Variants in TMCO5A observed in about 807,000 individuals in gnomAD.
The protein encoded by TMCO5A is transmembrane and coiled-coil domains 5A, also known as transmembrane and coiled-coil domain-containing protein 5A.
A neutral mutation model predicts 42.3 loss-of-function variants in TMCO5A; 34 were observed. The ratio of observed to expected loss-of-function variants is 0.80; its 90% CI spans 0.61 to 1.07. The LOEUF (loss-of-function observed/expected upper bound fraction) is 1.07. TMCO5A is among the 50% of genes least tolerant of loss of function. TMCO5A has a pLI of 0.00. For missense variants in TMCO5A, 357 were observed against 327.9 expected, an observed-to-expected ratio of 1.09 and a Z score of -0.69; for synonymous variants, 131 against 115.6, an observed-to-expected ratio of 1.13 and a Z score of -0.86.
intron 7 of TMCO5A, among the ~76,000 whole-genome samples, chr15:37,941,455 C>T (rs1349013597): frequency 6.6e-6 from 1 of 152,020 alleles, no homozygotes; most frequent in Non-Finnish European, 1.5e-5. Context: ...ATTCCTCTCC[C>T]AACTGCCCCC....
the TMCO5A span, among the ~76,000 whole-genome samples, chr15:37,988,971 G>A: frequency 1.8e-3 from 267 of 151,742 alleles, no homozygotes; most frequent in African/African-American, 6.1e-3. Flanking sequence ...TCAGGCCCAG[G>A]GTTTTCTTTA....
chr15:38,028,511 A>G, the TMCO5A span, among the ~76,000 whole-genome samples: 1 of 152,208 alleles, frequency 6.6e-6, no homozygotes, highest in Non-Finnish European at 1.5e-5. Flanking sequence ...GTTCCATTCA[A>G]TCATTCTCAG....
chr15:38,027,798 C>G, the TMCO5A span, among the ~76,000 whole-genome samples: 1 of 152,052 alleles, frequency 6.6e-6, no homozygotes, highest in East Asian at 1.9e-4. Context: ...GAGTTCTCAC[C>G]AGATCTGATG....
At chr15:38,033,569 T>C in the TMCO5A span, among the ~76,000 whole-genome samples, 1 of 151,726 alleles carries the variant, frequency 6.6e-6, no homozygotes, top group Non-Finnish European at 1.5e-5. Context: ...ATTTTTTTTT[T>C]GTCTGTTTTT....
the TMCO5A span, among the ~76,000 whole-genome samples, chr15:38,014,690 T>C: frequency 6.6e-6 from 1 of 151,814 alleles, no homozygotes; most frequent in African/African-American, 2.4e-5. Context: ...TTAATGTGTT[T>C]CCCTTTCTTT....
At chr15:38,027,680 C>A in the TMCO5A span, among the ~76,000 whole-genome samples, 1 of 152,084 alleles carries the variant, frequency 6.6e-6, no homozygotes, top group East Asian at 1.9e-4. Flanking sequence ...TCTCCCCACC[C>A]AAATCTCACC....
chr15:37,998,718 T>TTTTA, the TMCO5A span, among the ~76,000 whole-genome samples: 1 of 152,184 alleles, frequency 6.6e-6, no homozygotes, highest in Non-Finnish European at 1.5e-5. Context: ...AGGATTTTTT[T>TTTTA]TTTATTTCTG....
chr15:38,024,723 C>A, the TMCO5A span: 1 of 152,202 alleles, frequency 6.6e-6, no homozygotes. Flanking sequence ...CAGCCGAAGG[C>A]CTCACATAGA....
At chr15:37,947,885 T>G (rs1292096860) in intron 11 of TMCO5A, among the ~76,000 whole-genome samples, 189 bp downstream of exon 11, 1 of 152,132 alleles carries the variant, frequency 6.6e-6, no homozygotes, top group Non-Finnish European at 1.5e-5. Flanking sequence ...CTTACTTGTT[T>G]AAAGGTAATT....
At chr15:38,003,222 GTC>G in the TMCO5A span, among the ~76,000 whole-genome samples, 133,439 of 147,134 alleles carry the variant, frequency 0.91, 61,284 homozygotes, top group South Asian at 0.99. Flanking sequence ...CCCAAACAGA[GTC>G]TCTCTCTCTC....
the TMCO5A span, among the ~76,000 whole-genome samples, chr15:38,000,911 G>A: frequency 6.6e-6 from 1 of 151,946 alleles, no homozygotes; most frequent in Non-Finnish European, 1.5e-5. Flanking sequence ...ACATTCTGTG[G>A]CCTAACATAT....
At chr15:38,006,757 A>T in the TMCO5A span, among the ~76,000 whole-genome samples, 1 of 152,170 alleles carries the variant, frequency 6.6e-6, no homozygotes. Flanking sequence ...AATTCCATTC[A>T]TGTATTGGAA....
At chr15:38,037,966 T>C in the TMCO5A span, among the ~76,000 whole-genome samples, 1 of 148,702 alleles carries the variant, frequency 6.7e-6, no homozygotes, top group East Asian at 2.0e-4. Flanking sequence ...TGAGCCAAGA[T>C]CACGCCATCA....
chr15:37,983,060 G>A, the TMCO5A span, among the ~76,000 whole-genome samples: 6 of 151,880 alleles, frequency 4.0e-5, no homozygotes, highest in African/African-American at 1.5e-4. Context: ...TTTCTACCCA[G>A]TAAAACTAAA....
Position 37,951,215 on chromosome 15 carries a change from A to G in TMCO5A, c.848A>G (p.Glu283Gly). 2 of 1,613,730 alleles carry G rather than the reference A, an allele frequency of 1.2e-6. No individual in the cohort carries two copies. Among genetic ancestry groups the G allele is most frequent in the Non-Finnish European group, 8.5e-7 (1 of 1,179,802 alleles). ...FFFPSLTLET[E>G]DMLPH ...TTTCCATCTCTCACACTTGAGACAG[A>G]GGACATGTTACCCCACTGATTCCCT... The change falls in exon 12 of 12, where the codon GAG becomes GGG. Residue 283 changes from glutamate (E) to glycine (G), a missense_variant. Glu to Gly is a moderately conservative substitution (Grantham distance 98). Transcript: ENST00000319669.
At chr15:38,001,021 CTA>C in the TMCO5A span, among the ~76,000 whole-genome samples, 1 of 152,054 alleles carries the variant, frequency 6.6e-6, no homozygotes, top group African/African-American at 2.4e-5. Flanking sequence ...TGCACTTGGT[CTA>C]TAGTGCAAAT....
At chr15:37,940,806 C>A (rs768833076) in intron 6 of TMCO5A, among the ~76,000 whole-genome samples, 1 of 152,098 alleles carries the variant, frequency 6.6e-6, no homozygotes, top group African/African-American at 2.4e-5. Flanking sequence ...AGTGAACAAA[C>A]ACCTTAGAGT....
At chr15:37,976,326 G>C in the TMCO5A span, among the ~76,000 whole-genome samples, 3,640 of 151,772 alleles carry the variant, frequency 0.024, 150 homozygotes, top group African/African-American at 0.084. Context: ...CTTCTTTCTA[G>C]ATGCCTTTAA....
intron 10 of TMCO5A, among the ~76,000 whole-genome samples, chr15:37,945,336 T>G (rs1379008838): frequency 6.6e-6 from 1 of 152,082 alleles, no homozygotes; most frequent in Non-Finnish European, 1.5e-5. Context: ...GCAATGATAT[T>G]TGTGTGCATG....
Sources: allele counts gnomAD v4.1 joint callset (sites outside exome capture counted in the v4.1 genomes callset), GRCh38; gene constraint gnomAD v4.1.1; transcripts MANE v1.5; gene names NCBI Gene and HGNC (gene_info 2026-07-23, HGNC 2026-07-21).